The following NF1 variants were observed in gnomAD, a reference collection of about 807,000 sequenced individuals.
NF1 encodes neurofibromin 1, also known as neurofibromin.
NF1 carries 122 observed loss-of-function variants against 325.7 expected under a neutral mutation model. The observed-to-expected ratio is 0.37, with a 90% CI of 0.32 to 0.44. The LOEUF (loss-of-function observed/expected upper bound fraction) is 0.44, where lower values mean the gene tolerates loss of function less well. NF1 is among the 20% of genes least tolerant of loss of function. The pLI, the probability that NF1 is intolerant of heterozygous loss-of-function variation, is 1.00. For synonymous variants in NF1, 1,091 were observed against 1,186.0 expected (o/e 0.92, Z 1.65); for missense variants, 2,140 against 3,415.4 (o/e 0.63, Z 9.31).
chr17:31,168,983 A>G (rs544314043), intron 4 of NF1, among the ~76,000 whole-genome samples: 1 of 152,192 alleles, frequency 6.6e-6, no homozygotes, highest in Non-Finnish European at 1.5e-5. Context: ...AATGCAGGAT[A>G]CAGACTTGAC....
chr17:31,326,289 C>T (rs2151539264), intron 37 of NF1, 37 bp downstream of exon 37: 1 of 1,579,592 alleles, frequency 6.3e-7, no homozygotes, highest in Non-Finnish European at 8.6e-7. Context: ...CGATTCATTG[C>T]TTTTCTTGAC....
Position 31,349,146 on chromosome 17 carries a change from G to A in NF1, c.7216G>A (p.Val2406Ile). 6.2e-7 allele frequency: 1 copy of A among 1,606,246 alleles called. No homozygotes were observed. Among genetic ancestry groups the A allele is most frequent in the Non-Finnish European group, 8.5e-7 (1 of 1,175,704 alleles). Residue 2406 changes from valine to isoleucine, a missense_variant, in exon 49 of 58, where the codon GTT (valine) becomes ATT (isoleucine). Val to Ile is a conservative substitution (Grantham distance 29). This residue lies in a region of NF1 where 522 missense variants were observed against 749.0 expected (regional missense o/e 0.70). Transcript: ENST00000358273. ...KGYRHPSPAI[V>I]ARTVRILHTL... ...GTACAGGCATCCTTCACCTGCTATT[G>A]TTGCAAGAACAGTCAGAATTTTACA...
intron 1 of NF1, among the ~76,000 whole-genome samples, chr17:31,149,722 A>G (rs1916804573): frequency 1.3e-5 from 2 of 152,262 alleles, no homozygotes; most frequent in Middle Eastern, 3.4e-3. Flanking sequence ...ATCAATGACA[A>G]TGGGTAGATA....
chr17:31,144,005 AG>A (rs2143549636), intron 1 of NF1, among the ~76,000 whole-genome samples: 1 of 152,056 alleles, frequency 6.6e-6, no homozygotes, highest in South Asian at 2.1e-4. Context: ...TTGTATTTTT[AG>A]TAGAGACAGG....
rs112178514 is a variant in NF1, at chr17:31,146,409, GTCCATCCATCCATCCATCCA to G, written c.61-9541_61-9522del. 4.8e-4 allele frequency among the ~76,000 whole-genome samples: 71 copies of G among 148,628 alleles called. No homozygotes were observed. The East Asian group carries it at 8.4e-3, about 18-fold the overall frequency. ...ACAGATTTAGATATCTAATCTGTCTGTCCATCCATCCATCCATCCATCCATCCATCCATCCATCCATCCAT... is the reference window on the plus strand; with the variant it reads ...ACAGATTTAGATATCTAATCTGTCTGTCCATCCATCCATCCATCCATCCAT... On this transcript the variant is annotated intron_variant, in intron 1 of 57. Coordinates refer to ENST00000358273, the MANE Select transcript of NF1 (RefSeq NM_001042492.3).
At chr17:31,163,036 T>C (rs2065789333) in intron 3 of NF1, 150 bp from the exon 4 acceptor site, 2 of 690,866 alleles carry the variant, frequency 2.9e-6, no homozygotes, top group African/African-American at 1.8e-5. Context: ...GTAGCAAATA[T>C]GATGAAACGT....
chr17:31,252,913 G>A, intron 30 of NF1, 25 bp from the exon 31 acceptor site: 1 of 1,605,280 alleles, frequency 6.2e-7, no homozygotes, highest in Non-Finnish European at 8.5e-7. Flanking sequence ...GCTGTGACTT[G>A]TTTGTGCTCA....
At chr17:31,098,244 A>G (rs988225639) in intron 1 of NF1, among the ~76,000 whole-genome samples, 2 of 149,152 alleles carry the variant, frequency 1.3e-5, no homozygotes, top group Non-Finnish European at 2.9e-5. Flanking sequence ...GTTAAGTGAC[A>G]TAGATCTAAT....
chr17:31,105,339 T>G (rs1263838449), intron 1 of NF1, among the ~76,000 whole-genome samples: 1 of 152,236 alleles, frequency 6.6e-6, no homozygotes, highest in African/African-American at 2.4e-5. Context: ...CCATAAATGG[T>G]ACTAATTACT....
chr17:31,320,547 T>C, intron 36 of NF1: 1 of 877,216 alleles, frequency 1.1e-6, no homozygotes, highest in Middle Eastern at 2.3e-4. Context: ...ATAAGAAATG[T>C]GATACGTTGA....
intron 55 of NF1, 137 bp downstream of exon 55, chr17:31,358,759 C>T: frequency 8.0e-7 from 1 of 1,256,640 alleles, no homozygotes. Context: ...TTTTTTTACT[C>T]TCTCAACTGT....
intron 36 of NF1, among the ~76,000 whole-genome samples, chr17:31,323,511 G>A (rs914034596): frequency 1.3e-5 from 2 of 152,102 alleles, no homozygotes; most frequent in East Asian, 1.9e-4. Flanking sequence ...TGATTCTGAC[G>A]CCAGTAGTCC....
intron 36 of NF1, among the ~76,000 whole-genome samples, chr17:31,298,616 A>G (rs1003247659): frequency 1.3e-5 from 2 of 152,128 alleles, no homozygotes; most frequent in African/African-American, 4.8e-5. Flanking sequence ...TCCGCAACAT[A>G]GAAGTTTATT....
At chr17:31,149,252 A>G (rs889872254) in intron 1 of NF1, among the ~76,000 whole-genome samples, 5 of 151,984 alleles carry the variant, frequency 3.3e-5, no homozygotes, top group African/African-American at 1.2e-4. Context: ...TTCAGCATAT[A>G]TAAATATATA....
chr17:31,292,930 C>G (rs1031033442), intron 36 of NF1, among the ~76,000 whole-genome samples: 2 of 152,022 alleles, frequency 1.3e-5, no homozygotes, highest in African/African-American at 4.8e-5. Context: ...GTAATCCTAG[C>G]ACTTTGGGAG....
At chr17:31,346,928 T>C (rs2070007258) in intron 48 of NF1, among the ~76,000 whole-genome samples, 1 of 151,716 alleles carries the variant, frequency 6.6e-6, no homozygotes, top group East Asian at 1.9e-4. Context: ...TGGGGCTATA[T>C]TGAATCTCTG....
At chr17:31,341,471 T>C (rs946645462) in intron 47 of NF1, among the ~76,000 whole-genome samples, 2 of 151,850 alleles carry the variant, frequency 1.3e-5, no homozygotes, top group Non-Finnish European at 2.9e-5. Flanking sequence ...TGCAGTGAGC[T>C]GAGATCACGC....
intron 1 of NF1, among the ~76,000 whole-genome samples, chr17:31,144,955 C>T (rs1916487151): frequency 6.6e-6 from 1 of 152,200 alleles, no homozygotes; most frequent in Non-Finnish European, 1.5e-5. Flanking sequence ...GTGACATCGT[C>T]AAATTCAAAA....
intron 27 of NF1, among the ~76,000 whole-genome samples, chr17:31,234,414 C>T (rs1473586191): frequency 6.6e-6 from 1 of 152,022 alleles, no homozygotes; most frequent in African/African-American, 2.4e-5. Context: ...TCGCTCACGC[C>T]TGTAATCCCA....
Sources: allele counts gnomAD v4.1 joint callset (sites outside exome capture counted in the v4.1 genomes callset), GRCh38; gene constraint gnomAD v4.1.1; regional missense constraint gnomAD v4.1.1; transcripts MANE v1.5; gene names NCBI Gene and HGNC (gene_info 2026-07-23, HGNC 2026-07-21).